The following OCIAD1 variants were observed in gnomAD, a reference collection of about 807,000 sequenced individuals.
The protein encoded by OCIAD1 is OCIA domain containing 1.
A neutral mutation model predicts 38.9 loss-of-function variants in OCIAD1; 29 were observed. The observed-to-expected ratio is 0.74, with a 90% CI of 0.55 to 1.02. OCIAD1 has a LOEUF of 1.02. Ranked by LOEUF, OCIAD1 falls within the 50% of genes least tolerant of loss-of-function variation. The pLI is 0.00. For synonymous variants in OCIAD1, 110 were observed against 92.0 expected (o/e 1.20, Z -1.12); for missense variants, 288 against 289.6 (o/e 0.99, Z 0.04).
intron 1 of OCIAD1, among the ~76,000 whole-genome samples, chr4:48,824,198 C>T (rs1777225900): frequency 6.6e-6 from 1 of 152,016 alleles, no homozygotes; most frequent in Admixed American, 6.6e-5. Flanking sequence ...CCACACTAGT[C>T]TCAAACTCCT....
chr4:48,824,717 T>A (rs1777231444), intron 1 of OCIAD1, among the ~76,000 whole-genome samples: 1 of 152,100 alleles, frequency 6.6e-6, no homozygotes, highest in Non-Finnish European at 1.5e-5. Context: ...GAATGACAAT[T>A]CAGGTGAATT....
At chr4:48,836,840 A>G (rs1467423518) in intron 3 of OCIAD1, among the ~76,000 whole-genome samples, 3 of 152,196 alleles carry the variant, frequency 2.0e-5, no homozygotes, top group Non-Finnish European at 2.9e-5. Context: ...TATGATGACT[A>G]TGCATCTAAA....
intron 4 of OCIAD1, among the ~76,000 whole-genome samples, chr4:48,844,201 G>A (rs1229832249): frequency 6.6e-6 from 1 of 152,142 alleles, no homozygotes; most frequent in East Asian, 1.9e-4. Context: ...GGACTGAACT[G>A]AAGAGACAAA....
At chr4:48,818,911 A>G (rs1371314426) in intron 1 of OCIAD1, among the ~76,000 whole-genome samples, 1 of 152,220 alleles carries the variant, frequency 6.6e-6, no homozygotes, top group Non-Finnish European at 1.5e-5. Context: ...ACCTTCAAGA[A>G]ATATGTGACT....
intron 8 of OCIAD1, chr4:48,860,018 T>C (rs1373787529): frequency 1.3e-5 from 2 of 152,214 alleles, no homozygotes; most frequent in Non-Finnish European, 2.9e-5. Flanking sequence ...ATGTATTCCC[T>C]GAAGAGTCCA....
At chr4:48,810,096 C>T (rs1483101887) in intron 1 of OCIAD1, among the ~76,000 whole-genome samples, 1 of 151,966 alleles carries the variant, frequency 6.6e-6, no homozygotes. Context: ...TAGAACAGTG[C>T]CTGGTGCTTG....
At chr4:48,808,922 G>A (rs1777058666) in intron 1 of OCIAD1, among the ~76,000 whole-genome samples, 1 of 152,056 alleles carries the variant, frequency 6.6e-6, no homozygotes, top group Non-Finnish European at 1.5e-5. Context: ...AAACCTGAGA[G>A]TCATTCTTGT....
intron 7 of OCIAD1, among the ~76,000 whole-genome samples, chr4:48,852,875 G>GA (rs1560438042): frequency 1.4e-5 from 1 of 69,128 alleles, no homozygotes; most frequent in Non-Finnish European, 2.9e-5. Flanking sequence ...GTTTTTTTTT[G>GA]TTTTTTGTTT....
At chr4:48,823,022 C>G (rs534357484) in intron 1 of OCIAD1, among the ~76,000 whole-genome samples, 1 of 152,260 alleles carries the variant, frequency 6.6e-6, no homozygotes, top group East Asian at 1.9e-4. Flanking sequence ...CCATTTGACC[C>G]AGCAATCCCA....
At chr4:48,812,963 G>C (rs1579033339) in intron 1 of OCIAD1, among the ~76,000 whole-genome samples, 2 of 152,322 alleles carry the variant, frequency 1.3e-5, no homozygotes, top group South Asian at 4.1e-4. Context: ...GTAGGTGAGA[G>C]AGGATGGAAT....
In OCIAD1 at chr4:48,861,361, A is replaced by G. The variant is rs898420528; in HGVS notation, c.*599A>G. The stretch of plus-strand genomic sequence containing the variant: ...AAATAAAGTCATCTATAATATTTCT[A>G]TAATATGGCTATAATATGGCTATAA... On this transcript the variant is annotated 3_prime_UTR_variant, in exon 9 of 9. Coordinates refer to ENST00000264312, the MANE Select transcript of OCIAD1 (RefSeq NM_017830.4). 1.3e-5 allele frequency: 2 copies of G among 152,178 alleles called. No homozygotes were observed. Among genetic ancestry groups the G allele is most frequent in the African/African-American group, 4.8e-5 (2 of 41,420 alleles). 9.4% of individuals were successfully genotyped at this position (152,178 alleles called of 1,614,324 possible).
chr4:48,847,252 G>T (rs1579087425), intron 4 of OCIAD1, among the ~76,000 whole-genome samples: 1 of 152,186 alleles, frequency 6.6e-6, no homozygotes, highest in Middle Eastern at 3.4e-3. Context: ...CTTTTTCTGT[G>T]AAGTATCTGT....
intron 7 of OCIAD1, among the ~76,000 whole-genome samples, chr4:48,854,885 C>G (rs1302677910): frequency 2.0e-5 from 3 of 152,334 alleles, no homozygotes; most frequent in South Asian, 4.1e-4. Flanking sequence ...TTTAAAATAG[C>G]AAGCACTCCT....
intron 3 of OCIAD1, among the ~76,000 whole-genome samples, chr4:48,839,707 G>GAGT (rs1778353325): frequency 6.6e-6 from 1 of 152,150 alleles, no homozygotes; most frequent in Admixed American, 6.5e-5. Context: ...TAGGAATATA[G>GAGT]AGTAGCTTTT....
At chr4:48,841,688 A>G (rs1488626727) in intron 3 of OCIAD1, among the ~76,000 whole-genome samples, 2 of 152,176 alleles carry the variant, frequency 1.3e-5, no homozygotes, top group Non-Finnish European at 2.9e-5. Flanking sequence ...GTCAAGTACC[A>G]AGACCAAATT....
At chr4:48,810,433 C>T (rs958143659) in intron 1 of OCIAD1, among the ~76,000 whole-genome samples, 1 of 139,898 alleles carries the variant, frequency 7.1e-6, no homozygotes, top group African/African-American at 2.7e-5. Flanking sequence ...CGCACCACTG[C>T]ACTCCAACCT....
chr4:48,853,567 G>T (rs1420890785), intron 7 of OCIAD1, among the ~76,000 whole-genome samples: 1 of 152,200 alleles, frequency 6.6e-6, no homozygotes, highest in Non-Finnish European at 1.5e-5. Context: ...TGGAAAGGGA[G>T]AAGTTGATTA....
chr4:48,831,263 C>T lies in OCIAD1; in HGVS notation c.-6+14C>T. ...TGTCGTCGGGAGGTGGGTGAGGTGA[C>T]GCAAACAGCCCCGTTGTTGCCCTCC... On this transcript the variant is annotated intron_variant, in intron 1 of 8. Transcript: ENST00000264312. 1 of 345,024 alleles carries T rather than the reference C, an allele frequency of 2.9e-6. No homozygotes were observed. The allele number at this position is 345,024 out of a possible 1,614,324, so 21.4% of individuals were successfully genotyped here.
At chr4:48,841,512 C>T (rs977540741) in intron 3 of OCIAD1, among the ~76,000 whole-genome samples, 2 of 152,058 alleles carry the variant, frequency 1.3e-5, no homozygotes, top group Non-Finnish European at 2.9e-5. Flanking sequence ...GACTCAGTGC[C>T]CACAGTTTTT....
Sources: gnomAD v4.1 joint callset for allele counts (sites outside exome capture counted in the v4.1 genomes callset) on GRCh38, gnomAD v4.1.1 for gene constraint, MANE v1.5 for transcripts, NCBI Gene and HGNC (gene_info 2026-07-23, HGNC 2026-07-21) for gene names.